The following CACNA2D4 variants were observed in gnomAD, a reference collection of about 807,000 sequenced individuals.
CACNA2D4 encodes the protein calcium voltage-gated channel auxiliary subunit alpha2delta 4, also known as voltage-dependent calcium channel subunit alpha-2/delta-4.
A neutral mutation model predicts 163.8 loss-of-function variants in CACNA2D4; 157 were observed. The ratio of observed to expected loss-of-function variants is 0.96; its 90% CI spans 0.84 to 1.09. The LOEUF is 1.09. Among genes scored for constraint, CACNA2D4 ranks in the 50% least tolerant of loss-of-function variants. The pLI, the probability that CACNA2D4 is intolerant of heterozygous loss-of-function variation, is 0.00. For missense variants in CACNA2D4, 1,410 were observed against 1,479.9 expected (o/e 0.95, Z 0.78); for synonymous variants, 598 against 586.9 (o/e 1.02, Z -0.27).
intron 30 of CACNA2D4, among the ~76,000 whole-genome samples, 176 bp from the exon 31 acceptor site, chr12:1,801,294 T>G (rs1863316162): frequency 6.6e-6 from 1 of 152,100 alleles, no homozygotes. Flanking sequence ...CTTGGAATGG[T>G]TTAAAGACAA....
chr12:1,896,659 C>A (rs1555186446), intron 6 of CACNA2D4, among the ~76,000 whole-genome samples: 42 of 138,998 alleles, frequency 3.0e-4, no homozygotes, highest in African/African-American at 6.8e-4. Context: ...ACACACAAAA[C>A]AGATGCTAGC....
intron 18 of CACNA2D4, among the ~76,000 whole-genome samples, chr12:1,865,261 C>T (rs1374019346): frequency 1.3e-5 from 2 of 152,232 alleles, no homozygotes; most frequent in Admixed American, 1.3e-4. Flanking sequence ...CTGATGGTCT[C>T]GCTGTTCGTG....
At chr12:1,864,868 T>C (rs548835016) in intron 18 of CACNA2D4, among the ~76,000 whole-genome samples, 1 of 152,344 alleles carries the variant, frequency 6.6e-6, no homozygotes, top group African/African-American at 2.4e-5. Flanking sequence ...GTGGGGTCTC[T>C]GGGGTCAGGA....
chr12:1,819,662 C>T (rs940311894), intron 26 of CACNA2D4, among the ~76,000 whole-genome samples: 1 of 152,192 alleles, frequency 6.6e-6, no homozygotes, highest in African/African-American at 2.4e-5. Flanking sequence ...CAGCCACTTC[C>T]CATCTCTTAG....
In CACNA2D4 at chr12:1,878,813, A is replaced by C. The variant is rs1746743598; in HGVS notation, c.1644+143T>G. On this transcript the variant is annotated intron_variant, in intron 15 of 37. Transcript: ENST00000382722. This position sits in a 1 kb window ranked among gnomAD's most constrained non-coding sequence, Gnocchi z 4.6. Reference sequence around the variant, plus strand: ...GGCACCAGTTGCTGCTCCCCTGCTCAGCACCTGCACTTCTTGGGCAGTGAT... The same window carrying C: ...GGCACCAGTTGCTGCTCCCCTGCTCCGCACCTGCACTTCTTGGGCAGTGAT... The C allele has an allele frequency of 2.9e-6, 2 of 683,936 alleles. No homozygotes were observed. Among genetic ancestry groups the C allele is most frequent in the African/African-American group, 3.6e-5 (2 of 55,432 alleles). The allele number at this position is 683,936 out of a possible 1,614,324, so 42.4% of individuals were successfully genotyped here.
chr12:1,866,207 C>T (rs1865647961), intron 18 of CACNA2D4, among the ~76,000 whole-genome samples: 1 of 152,182 alleles, frequency 6.6e-6, no homozygotes, highest in Non-Finnish European at 1.5e-5. Flanking sequence ...GTCAAATGCT[C>T]TTTTAGCATC....
chr12:1,847,119 G>A (rs1490202918), intron 23 of CACNA2D4, among the ~76,000 whole-genome samples: 7 of 152,150 alleles, frequency 4.6e-5, no homozygotes, highest in Admixed American at 1.3e-4. Flanking sequence ...TTACCGAAAC[G>A]TGAAGGGAGG....
chr12:1,811,229 G>A (rs1863696205), intron 27 of CACNA2D4, among the ~76,000 whole-genome samples: 1 of 152,218 alleles, frequency 6.6e-6, no homozygotes, highest in South Asian at 2.1e-4. Context: ...GGGACCTGAG[G>A]GCTCTGGGGA....
intron 6 of CACNA2D4, among the ~76,000 whole-genome samples, chr12:1,895,840 T>C (rs1866389786): frequency 6.6e-6 from 1 of 152,054 alleles, no homozygotes; most frequent in African/African-American, 2.4e-5. Flanking sequence ...GGTCTCACTA[T>C]GCTGCTCATG....
At chr12:1,831,729 G>A (rs1037290648) in intron 26 of CACNA2D4, among the ~76,000 whole-genome samples, 1 of 152,044 alleles carries the variant, frequency 6.6e-6, no homozygotes, top group Non-Finnish European at 1.5e-5. Context: ...TGGGAGAGAG[G>A]CTGGTGCTGC....
intron 29 of CACNA2D4, among the ~76,000 whole-genome samples, chr12:1,803,835 G>C (rs1463204794): frequency 6.6e-6 from 1 of 152,200 alleles, no homozygotes; most frequent in Non-Finnish European, 1.5e-5. Context: ...GACAGGCAGG[G>C]AACACACAAA....
At chr12:1,818,947 C>T (rs1863985833) in intron 26 of CACNA2D4, among the ~76,000 whole-genome samples, 1 of 149,656 alleles carries the variant, frequency 6.7e-6, no homozygotes, top group Non-Finnish European at 1.5e-5. Flanking sequence ...ATGACCCTGC[C>T]AAATCCCCCT....
At chr12:1,887,237 G>A (rs1565730321) in intron 6 of CACNA2D4, among the ~76,000 whole-genome samples, 168 bp from the exon 7 acceptor site, 1 of 152,182 alleles carries the variant, frequency 6.6e-6, no homozygotes, top group African/African-American at 2.4e-5. Flanking sequence ...AGACAAGCTG[G>A]CAAGGAGACA....
At position 1,843,453 on chromosome 12, in the gene CACNA2D4, C is replaced by G. The variant is rs1865075979; in HGVS notation, c.2470+949G>C. Among the ~76,000 whole-genome samples the G allele has an allele frequency of 6.6e-6, 1 of 152,216 alleles. No individual in the cohort carries two copies. On this transcript the variant is annotated intron_variant, in intron 25 of 37. Transcript: ENST00000382722. This position sits in a 1 kb window ranked among gnomAD's most constrained non-coding sequence, Gnocchi z 4.6. ...TTTAGAAGTCTCCACACTCCTGCAT[C>G]CCCTCCTGGGGCTCACCCCACCTGC...
chr12:1,873,985 G>T (rs960793774), intron 18 of CACNA2D4, among the ~76,000 whole-genome samples: 1 of 152,242 alleles, frequency 6.6e-6, no homozygotes, highest in Non-Finnish European at 1.5e-5. Context: ...GGCAGGGGAG[G>T]AGGAGGTGGG....
intron 9 of CACNA2D4, 79 bp downstream of exon 9, chr12:1,885,886 A>G: frequency 9.7e-7 from 1 of 1,034,938 alleles, no homozygotes; most frequent in Non-Finnish European, 1.5e-6. Flanking sequence ...AGGGCCACAG[A>G]AACAGTCTAC....
In CACNA2D4 at chr12:1,846,612, G is replaced by T. The variant is rs2154447938; in HGVS notation, c.2324C>A (p.Ser775Tyr). Residue 775 changes from serine (S) to tyrosine (Y), a missense_variant, in exon 24 of 38, where the codon TCC becomes TAC. Ser to Tyr is a moderately radical substitution (Grantham distance 144). Coordinates refer to ENST00000382722, the MANE Select transcript of CACNA2D4 (RefSeq NM_172364.5). ...GLLRSSLFVGSEKVSDRKFLT... is the reference protein window; with the variant it reads ...GLLRSSLFVGYEKVSDRKFLT... ...AACCCACCTGTCGGAGACCTTCTCG[G>T]AGCCCACGAACAAGCTGCTTCTCAG... 6.2e-7 allele frequency: 1 copy of T among 1,600,330 alleles called. No individual in the cohort carries two copies.
chr12:1,823,369 T>C (rs1864186833), intron 26 of CACNA2D4: 1 of 152,174 alleles, frequency 6.6e-6, no homozygotes, highest in Non-Finnish European at 1.5e-5. Context: ...CATGGAGCGG[T>C]CCAGGCTCCT....
chr12:1,895,662 C>G (rs1342616756), intron 6 of CACNA2D4, among the ~76,000 whole-genome samples: 2 of 152,120 alleles, frequency 1.3e-5, no homozygotes, highest in African/African-American at 2.4e-5. Flanking sequence ...GAGGTAGGGT[C>G]TTGCTCTGCC....
Sources: allele counts gnomAD v4.1 joint callset (sites outside exome capture counted in the v4.1 genomes callset), GRCh38; gene constraint gnomAD v4.1.1; non-coding constraint Gnocchi (gnomAD v3.1); transcripts MANE v1.5; gene names NCBI Gene and HGNC (gene_info 2026-07-23, HGNC 2026-07-21).